SAMD5: variants seen among roughly 807,000 people sequenced by gnomAD.
SAMD5 encodes sterile alpha motif domain-containing protein 5.
Under a neutral mutation model 11.3 loss-of-function variants are expected in SAMD5, and 13 were observed. That is an observed-to-expected ratio of 1.15 (90% CI 0.75 to 1.83). The LOEUF is 1.83. Ranked by LOEUF, SAMD5 falls within the 40% of genes most tolerant of loss-of-function variation. The pLI is 0.00. For missense variants in SAMD5, 255 were observed against 239.1 expected (o/e 1.07, Z -0.44); for synonymous variants, 129 against 111.3 (o/e 1.16, Z -1.00).
the SAMD5 span, among the ~76,000 whole-genome samples, chr6:147,935,072 G>A: frequency 1.3e-5 from 2 of 152,174 alleles, no homozygotes; most frequent in African/African-American, 2.4e-5. Flanking sequence ...GGTTCGTAAC[G>A]TGCAATGTGA....
chr6:147,808,145 T>C, the SAMD5 span, among the ~76,000 whole-genome samples: 1 of 152,240 alleles, frequency 6.6e-6, no homozygotes, highest in Non-Finnish European at 1.5e-5. Flanking sequence ...AAAGGCAACC[T>C]ATGGGAGGCC....
At chr6:147,570,731 A>G (rs537610061), downstream of SAMD5, among the ~76,000 whole-genome samples, 1 of 152,152 alleles carries the variant, frequency 6.6e-6, no homozygotes, top group South Asian at 2.1e-4. Flanking sequence ...TTAAAGCAAA[A>G]AAAATATATG....
chr6:147,907,334 G>A, the SAMD5 span, among the ~76,000 whole-genome samples: 1 of 152,156 alleles, frequency 6.6e-6, no homozygotes, highest in South Asian at 2.1e-4. Flanking sequence ...CTCCCTTCCT[G>A]CTTTTTCTAT....
At chr6:147,613,922 C>T (rs1240407345) in intron 1 of SAMD5, among the ~76,000 whole-genome samples, 1 of 151,998 alleles carries the variant, frequency 6.6e-6, no homozygotes, top group Non-Finnish European at 1.5e-5. Context: ...CTCTCCTATC[C>T]TTCTGGTGAG....
At chr6:147,894,883 A>T in the SAMD5 span, among the ~76,000 whole-genome samples, 1 of 152,204 alleles carries the variant, frequency 6.6e-6, no homozygotes, top group Middle Eastern at 3.4e-3. Flanking sequence ...ATGATTCTAA[A>T]CTCTGTGCTC....
intron 1 of SAMD5, among the ~76,000 whole-genome samples, chr6:147,627,011 A>G (rs548897051): frequency 1.3e-5 from 2 of 152,232 alleles, no homozygotes; most frequent in Admixed American, 6.5e-5. Context: ...TCATATGGGA[A>G]ACCCATCCCT....
intron 1 of SAMD5, 137 bp downstream of exon 1, chr6:147,509,524 C>G (rs1220726002): frequency 1.5e-5 from 10 of 676,162 alleles, no homozygotes; most frequent in Non-Finnish European, 1.8e-5. Flanking sequence ...GGACCCTTTT[C>G]TATGTTCTTT....
At chr6:147,750,231 T>C in the SAMD5 span, among the ~76,000 whole-genome samples, 2 of 152,226 alleles carry the variant, frequency 1.3e-5, no homozygotes, top group African/African-American at 4.8e-5. Context: ...TCAACATGCA[T>C]AAATAGCATA....
At chr6:147,813,223 T>C in the SAMD5 span, among the ~76,000 whole-genome samples, 37 of 152,346 alleles carry the variant, frequency 2.4e-4, no homozygotes, top group East Asian at 6.9e-3. Flanking sequence ...TTGGAGATGT[T>C]TCAGTTCAGG....
At chr6:147,660,348 G>C (rs1251463782) in intron 1 of SAMD5, among the ~76,000 whole-genome samples, 3 of 152,126 alleles carry the variant, frequency 2.0e-5, no homozygotes, top group African/African-American at 7.2e-5. Flanking sequence ...CTGGGAGACG[G>C]GATTTACAGA....
At chr6:147,673,457 T>C (rs951347256) in intron 1 of SAMD5, among the ~76,000 whole-genome samples, 2 of 152,070 alleles carry the variant, frequency 1.3e-5, no homozygotes, top group African/African-American at 4.8e-5. Flanking sequence ...TCTTGATCCG[T>C]CTGCCTCGGC....
At chr6:147,685,973 A>G (rs1239863700) in intron 1 of SAMD5, among the ~76,000 whole-genome samples, 3 of 152,206 alleles carry the variant, frequency 2.0e-5, no homozygotes, top group Non-Finnish European at 4.4e-5. Flanking sequence ...GTTTCATACA[A>G]TTATAGTTAA....
chr6:147,768,336 A>G, the SAMD5 span, among the ~76,000 whole-genome samples: 1 of 152,142 alleles, frequency 6.6e-6, no homozygotes, highest in Non-Finnish European at 1.5e-5. Context: ...CGTCTCTACT[A>G]AAAATACAAA....
chr6:147,740,053 C>T (rs1368998611), downstream of SAMD5, among the ~76,000 whole-genome samples: 1 of 151,960 alleles, frequency 6.6e-6, no homozygotes, highest in South Asian at 2.1e-4. Flanking sequence ...CTCCTGATGT[C>T]GTGATCTGCC....
intron 1 of SAMD5, among the ~76,000 whole-genome samples, chr6:147,524,331 T>G (rs776964484): frequency 4.6e-5 from 7 of 152,058 alleles, no homozygotes; most frequent in Non-Finnish European, 8.8e-5. Context: ...ACATAGCTGG[T>G]TTTGGATGAG....
rs190666765 is a variant in SAMD5 at position 147,541,499 on chromosome 6, G to A, written c.460-22895G>A. On this transcript the variant is annotated intron_variant, in intron 1 of 1. Coordinates refer to ENST00000367474, the MANE Select transcript of SAMD5 (RefSeq NM_001030060.3). ...TGATTCATTCCAGGTGGGAAGGGAC[G>A]ACCTCCAAACGGTAATTCACAATGG... Among the ~76,000 whole-genome samples the A allele has an allele frequency of 3.1e-3, 474 of 152,226 alleles. 2 individuals carry two copies. The highest frequency in any genetic ancestry group is 5.0e-3 in the Non-Finnish European group (337 of 68,034).
intron 1 of SAMD5, among the ~76,000 whole-genome samples, chr6:147,547,822 T>C (rs1176338705): frequency 1.3e-5 from 2 of 152,178 alleles, no homozygotes; most frequent in Non-Finnish European, 2.9e-5. Flanking sequence ...CCAAGAAATA[T>C]AGCTTAGGAA....
At chr6:147,520,856 G>C (rs1225732031) in intron 1 of SAMD5, among the ~76,000 whole-genome samples, 1 of 152,024 alleles carries the variant, frequency 6.6e-6, no homozygotes, top group South Asian at 2.1e-4. Flanking sequence ...ACATACTTAC[G>C]TTTTAATGAT....
the SAMD5 span, among the ~76,000 whole-genome samples, chr6:147,825,217 A>C: frequency 6.6e-6 from 1 of 152,118 alleles, no homozygotes; most frequent in African/African-American, 2.4e-5. Flanking sequence ...GAATTGCTTG[A>C]ACCTGGGAGG....
Sources: allele counts gnomAD v4.1 joint callset (sites outside exome capture counted in the v4.1 genomes callset), GRCh38; gene constraint gnomAD v4.1.1; transcripts MANE v1.5; gene names NCBI Gene and HGNC (gene_info 2026-07-23, HGNC 2026-07-21).